The following LDLRAD4 variants were observed in gnomAD, a reference collection of about 807,000 sequenced individuals.
The protein encoded by LDLRAD4 is low-density lipoprotein receptor class A domain-containing protein 4.
In LDLRAD4, 5 loss-of-function variants were observed where a neutral mutation model predicts 17.0. The observed-to-expected ratio is 0.29, with a 90% CI of 0.15 to 0.62. The LOEUF is 0.62. LDLRAD4 is among the 20% of genes least tolerant of loss of function. The pLI, the probability that LDLRAD4 is intolerant of heterozygous loss-of-function variation, is 0.84. For missense variants in LDLRAD4, 340 were observed against 424.7 expected (o/e 0.80, Z 1.75); for synonymous variants, 168 against 171.8 (o/e 0.98, Z 0.17).
chr18:13,463,664 G>A (rs2092517172), intron 3 of LDLRAD4, among the ~76,000 whole-genome samples: 1 of 152,104 alleles, frequency 6.6e-6, no homozygotes, highest in Non-Finnish European at 1.5e-5. Flanking sequence ...GCAGGTGACA[G>A]GGCAGTCACC....
In LDLRAD4 at chr18:13,630,236, G is replaced by A. The variant is rs191893203; in HGVS notation, c.336+8965G>A. On this transcript the variant is annotated intron_variant, in intron 4 of 5. Coordinates refer to ENST00000359446, the Ensembl canonical transcript of LDLRAD4. ...TAAGGGACGTGCCCTAGATTGAGCA[G>A]AGTTGGGGGATCTTGAATCTGAGAA... Among the ~76,000 whole-genome samples the A allele has an allele frequency of 8.5e-5, 13 of 152,308 alleles. No homozygotes were observed. The East Asian group carries it at 2.1e-3, about 25-fold the overall frequency.
intron 1 of LDLRAD4, among the ~76,000 whole-genome samples, chr18:13,283,549 GT>G (rs1296091459): frequency 6.6e-6 from 1 of 152,126 alleles, no homozygotes; most frequent in African/African-American, 2.4e-5. Flanking sequence ...CCTCATCTCT[GT>G]CTGAGACCAC....
At chr18:13,548,980 T>C (rs768798086) in intron 3 of LDLRAD4, among the ~76,000 whole-genome samples, 1 of 152,268 alleles carries the variant, frequency 6.6e-6, no homozygotes, top group African/African-American at 2.4e-5. Flanking sequence ...TCATGAGTCC[T>C]AAAGCAACTT....
At chr18:13,612,149 C>G (rs978822859) in intron 3 of LDLRAD4, 1 of 985,996 alleles carries the variant, frequency 1.0e-6, no homozygotes, top group Non-Finnish European at 1.2e-6. Context: ...TGCAGATTTC[C>G]TCCTTTCTGT....
intron 3 of LDLRAD4, among the ~76,000 whole-genome samples, chr18:13,589,497 T>C (rs2094980953): frequency 1.3e-5 from 2 of 152,168 alleles, no homozygotes; most frequent in Non-Finnish European, 2.9e-5. Flanking sequence ...CCCATCACCG[T>C]GGCTTTTTGG....
chr18:13,609,753 G>A (rs574230520), intron 3 of LDLRAD4, among the ~76,000 whole-genome samples: 2 of 152,082 alleles, frequency 1.3e-5, no homozygotes, highest in Non-Finnish European at 2.9e-5. Context: ...CTGGTGGGTC[G>A]CTTGAAGTCA....
chr18:13,223,822 G>A (rs1053266104), intron 1 of LDLRAD4, among the ~76,000 whole-genome samples: 6 of 152,204 alleles, frequency 3.9e-5, no homozygotes, highest in Non-Finnish European at 7.3e-5. Context: ...CCATCTGCAT[G>A]TTACAGAGAT....
At chr18:13,281,203 A>G (rs977597744) in intron 1 of LDLRAD4, among the ~76,000 whole-genome samples, 1 of 152,204 alleles carries the variant, frequency 6.6e-6, no homozygotes, top group Admixed American at 6.5e-5. Context: ...CCTGGGCAAC[A>G]TAATGAGACC....
intron 2 of LDLRAD4, among the ~76,000 whole-genome samples, chr18:13,422,272 G>A (rs1407155051): frequency 2.6e-5 from 4 of 152,196 alleles, no homozygotes; most frequent in Non-Finnish European, 4.4e-5. Flanking sequence ...AAGACTAGAA[G>A]ACTAGACAGA....
chr18:13,563,926 GTCTC>G (rs5823261), intron 3 of LDLRAD4, among the ~76,000 whole-genome samples: 23 of 150,310 alleles, frequency 1.5e-4, no homozygotes, highest in Non-Finnish European at 1.6e-4. Flanking sequence ...TTTTAAGAGA[GTCTC>G]TCTCTCTCTC....
chr18:13,325,244 C>T (rs956906718), intron 1 of LDLRAD4, among the ~76,000 whole-genome samples: 3 of 152,192 alleles, frequency 2.0e-5, no homozygotes, highest in African/African-American at 7.2e-5. Context: ...TTCGGGGTCC[C>T]AGGATTTTAT....
chr18:13,494,099 G>C (rs900534629), intron 3 of LDLRAD4, among the ~76,000 whole-genome samples: 5 of 152,198 alleles, frequency 3.3e-5, no homozygotes, highest in Non-Finnish European at 5.9e-5. Flanking sequence ...ACATGAGTTT[G>C]GGGAGAAGGA....
intron 1 of LDLRAD4, among the ~76,000 whole-genome samples, chr18:13,371,802 A>G (rs2084538135): frequency 6.6e-6 from 1 of 152,134 alleles, no homozygotes; most frequent in Non-Finnish European, 1.5e-5. Flanking sequence ...AGAAAGAGAA[A>G]AAGAGAACCC....
Position 13,501,709 on chromosome 18 carries a change from G to A in LDLRAD4, c.181+63325G>A, listed in dbSNP as rs190761876. ...GTGAGAGGAGAAACATGACGTGCCTGTGTGTGCACAGGACGCCTGACACTC... is the reference window on the plus strand; with the variant it reads ...GTGAGAGGAGAAACATGACGTGCCTATGTGTGCACAGGACGCCTGACACTC... On this transcript the variant is annotated intron_variant, in intron 3 of 5. Coordinates refer to ENST00000359446, the Ensembl canonical transcript of LDLRAD4. 2.1e-4 allele frequency among the ~76,000 whole-genome samples: 32 copies of A among 152,062 alleles called. No homozygotes were observed. The East Asian group carries it at 3.9e-3, about 18-fold the overall frequency.
intron 1 of LDLRAD4, among the ~76,000 whole-genome samples, chr18:13,271,986 C>T (rs1233058819): frequency 6.6e-6 from 1 of 151,478 alleles, no homozygotes; most frequent in Non-Finnish European, 1.5e-5. Flanking sequence ...ACCTCCGCCT[C>T]CCAAGTTCAA....
At chr18:13,456,177 G>A (rs544224672) in intron 3 of LDLRAD4, among the ~76,000 whole-genome samples, 6 of 152,190 alleles carry the variant, frequency 3.9e-5, no homozygotes, top group Non-Finnish European at 7.3e-5. Flanking sequence ...TGTGGTTTGA[G>A]GTGTGAATAA....
intron 2 of LDLRAD4, among the ~76,000 whole-genome samples, chr18:13,413,413 A>G (rs1175526047): frequency 6.6e-6 from 1 of 152,236 alleles, no homozygotes; most frequent in African/African-American, 2.4e-5. Context: ...GGAAGTTTCT[A>G]TCACAGTATT....
At chr18:13,371,517 C>T (rs1026208101) in intron 1 of LDLRAD4, among the ~76,000 whole-genome samples, 3 of 152,128 alleles carry the variant, frequency 2.0e-5, no homozygotes, top group African/African-American at 7.2e-5. Context: ...ACCTGTAATC[C>T]CAGCACTTTG....
At chr18:13,277,558 C>T (rs1179156640), upstream of LDLRAD4, among the ~76,000 whole-genome samples, 1 of 152,220 alleles carries the variant, frequency 6.6e-6, no homozygotes, top group Non-Finnish European at 1.5e-5. Context: ...GGCAGCCTTG[C>T]AGGCAGAGTC....
Sources: gnomAD v4.1 joint callset for allele counts (sites outside exome capture counted in the v4.1 genomes callset) on GRCh38, gnomAD v4.1.1 for gene constraint, MANE v1.5 for transcripts, NCBI Gene and HGNC (gene_info 2026-07-23, HGNC 2026-07-21) for gene names.